DCLK3: variants seen among roughly 807,000 people sequenced by gnomAD.
The protein encoded by DCLK3 is serine/threonine-protein kinase DCLK3.
Under a neutral mutation model 46.4 loss-of-function variants are expected in DCLK3, and 30 were observed. That is an observed-to-expected ratio of 0.65 (90% confidence interval 0.48 to 0.88). DCLK3 has a LOEUF of 0.88. Among genes scored for constraint, DCLK3 ranks in the 40% least tolerant of loss-of-function variants. The pLI is 0.00. For synonymous variants in DCLK3, 401 were observed against 339.2 expected (o/e 1.18, Z -2.00); for missense variants, 846 against 907.1 (o/e 0.93, Z 0.87).
chr3:36,731,080 G>A (rs1000067720), intron 2 of DCLK3, among the ~76,000 whole-genome samples: 1 of 152,124 alleles, frequency 6.6e-6, no homozygotes, highest in Non-Finnish European at 1.5e-5. Flanking sequence ...GGAAGCTAAT[G>A]GCAGCTCTGA....
At chr3:36,716,335 G>C (rs1351991815) in intron 4 of DCLK3, among the ~76,000 whole-genome samples, 1 of 152,138 alleles carries the variant, frequency 6.6e-6, no homozygotes, top group Non-Finnish European at 1.5e-5. Context: ...CTCAAGACCA[G>C]CTGCTTACCC....
rs1463300014 is a variant in DCLK3 at position 36,738,574 on chromosome 3, G to A, written c.593C>T (p.Ala198Val). The part of the protein sequence containing the change: ...YPNKARALTL[A>V]QHSRAPSPRL... The stretch of plus-strand genomic sequence containing the variant: ...TGGAGAAGGGGCACGGCTGTGCTGG[G>A]CCAGTGTCAGGGCCCGGGCTTTGTT... The change falls in exon 2 of 5, where the codon GCC (alanine) becomes GTC (valine). Residue 198 changes from alanine (A) to valine (V), a missense_variant. Around this residue, in one of 3 missense-constraint regions of DCLK3, gnomAD observed 553 missense variants for 543.0 expected, o/e 1.02. Transcript: ENST00000636136. The A allele has an allele frequency of 2.1e-6, 3 of 1,434,742 alleles. No individual in the cohort carries two copies. Among genetic ancestry groups the A allele is most frequent in the Admixed American group, 5.4e-5 (2 of 37,070 alleles). The allele number at this position is 1,434,742 out of a possible 1,614,324, so 88.9% of individuals were successfully genotyped here. A position where few individuals can be genotyped will look rare whatever the true frequency, so the allele number is the denominator to read the frequency against.
chr3:36,723,122 A>T (rs1010577149), intron 2 of DCLK3, among the ~76,000 whole-genome samples: 4 of 152,176 alleles, frequency 2.6e-5, no homozygotes, highest in African/African-American at 7.2e-5. Context: ...ACTTGTTGGG[A>T]ACTGGGACAA....
At chr3:36,732,029 A>G (rs1476034632) in intron 2 of DCLK3, among the ~76,000 whole-genome samples, 1 of 152,214 alleles carries the variant, frequency 6.6e-6, no homozygotes, top group Non-Finnish European at 1.5e-5. Context: ...TCTTTTAGAC[A>G]GGTGATAACA....
intron 3 of DCLK3, among the ~76,000 whole-genome samples, chr3:36,719,397 T>C (rs1701029200): frequency 6.6e-6 from 1 of 152,242 alleles, no homozygotes; most frequent in African/African-American, 2.4e-5. Context: ...CAGGAAAATA[T>C]TAAAAGAATA....
At position 36,734,738 on chromosome 3, in the gene DCLK3, A is replaced by T. The variant is rs148519714; in HGVS notation, c.1959+2470T>A. Among the ~76,000 whole-genome samples, 519 of 151,584 alleles carry T rather than the reference A, an allele frequency of 3.4e-3. 2 individuals carry two copies. The highest frequency in any genetic ancestry group is 4.8e-3 in the Non-Finnish European group (328 of 67,740). Reference sequence around the variant, plus strand: ...CTCTCTCTGTCTCTCTCTCTCTCTCACACACACACAATTCCATTGCCCCAG... The same window carrying T: ...CTCTCTCTGTCTCTCTCTCTCTCTCTCACACACACAATTCCATTGCCCCAG... On this transcript the variant is annotated intron_variant, in intron 2 of 4. Coordinates refer to ENST00000636136, the MANE Select transcript of DCLK3 (RefSeq NM_001394672.2).
rs149438657 is a variant in DCLK3 at position 36,730,085 on chromosome 3, G to C, written c.1959+7123C>G. ...TCCCAGCTACTTGGGAGGCTAAGGTGGGGGGAGTCTGGAAGGCGGAGGTTG... is the reference window on the plus strand; with the variant it reads ...TCCCAGCTACTTGGGAGGCTAAGGTCGGGGGAGTCTGGAAGGCGGAGGTTG... On this transcript the variant is annotated intron_variant, in intron 2 of 4. Transcript: ENST00000636136. Among the ~76,000 whole-genome samples the C allele has an allele frequency of 5.9e-5, 9 of 152,090 alleles. No individual in the cohort carries two copies. The East Asian group carries it at 1.2e-3, about 20-fold the overall frequency.
At chr3:36,724,540 G>A (rs1701101872) in intron 2 of DCLK3, among the ~76,000 whole-genome samples, 1 of 152,110 alleles carries the variant, frequency 6.6e-6, no homozygotes, top group South Asian at 2.1e-4. Context: ...GGAGGTAATT[G>A]AATTATGGGG....
chr3:36,738,340 T>C lies in DCLK3; in HGVS notation c.827A>G (p.Lys276Arg), dbSNP rs1701298010. 5.3e-6 allele frequency: 8 copies of C among 1,507,600 alleles called. No individual in the cohort carries two copies. Among genetic ancestry groups the C allele is most frequent in the Non-Finnish European group, 7.1e-6 (8 of 1,131,228 alleles). The allele number at this position is 1,507,600 out of a possible 1,614,324, so 93.4% of individuals were successfully genotyped here. A position where few individuals can be genotyped will look rare whatever the true frequency, so the allele number is the denominator to read the frequency against. The change falls in exon 2 of 5, where the codon AAG becomes AGG. Residue 276 changes from lysine (K) to arginine (R), a missense_variant. Physicochemically the swap from Lys to Arg is conservative, Grantham distance 26. Transcript: ENST00000636136. Reference protein sequence around the residue: ...RGKWEPEPSSKPPREATLEER... With the variant: ...RGKWEPEPSSRPPREATLEER... ...TTCCAGAGTGGCTTCCCTGGGGGGCTTGCTACTGGGTTCTGGCTCCCATTT... is the reference window on the plus strand; with the variant it reads ...TTCCAGAGTGGCTTCCCTGGGGGGCCTGCTACTGGGTTCTGGCTCCCATTT...
chr3:36,741,303 G>A (rs1701341877), intron 1 of DCLK3, among the ~76,000 whole-genome samples: 1 of 152,210 alleles, frequency 6.6e-6, no homozygotes, highest in Non-Finnish European at 1.5e-5. Flanking sequence ...TTCACACACA[G>A]TAGGATCCTT....
intron 1 of DCLK3, among the ~76,000 whole-genome samples, chr3:36,749,951 C>T (rs77271561): frequency 0.025 from 3,770 of 152,174 alleles, 50 homozygotes; most frequent in South Asian, 0.041. Flanking sequence ...TAATTTTATG[C>T]CATCAAAGGA....
In DCLK3 at chr3:36,762,288, G is replaced by A. The variant is rs1575149883; in HGVS notation, c.82+1894C>T. On this transcript the variant is annotated intron_variant, in intron 1 of 4. Transcript: ENST00000636136. ...TAGTCATGTTTGGATAACATAGGAA[G>A]AATAAAAACATTGACAGTGAGAAGG... is the stretch of plus-strand genomic sequence containing the variant. 3.9e-5 allele frequency among the ~76,000 whole-genome samples: 6 copies of A among 152,290 alleles called. No individual in the cohort carries two copies. The South Asian group carries it at 1.2e-3, about 32-fold the overall frequency.
chr3:36,739,609 C>T (rs1575143194), intron 1 of DCLK3, among the ~76,000 whole-genome samples: 1 of 152,320 alleles, frequency 6.6e-6, no homozygotes, highest in South Asian at 2.1e-4. Flanking sequence ...CCTTGCCTTC[C>T]GCCATGATTG....
intron 1 of DCLK3, among the ~76,000 whole-genome samples, chr3:36,762,937 CTT>C (rs1701552051): frequency 6.6e-6 from 1 of 151,938 alleles, no homozygotes; most frequent in Non-Finnish European, 1.5e-5. Flanking sequence ...ACCCAATACT[CTT>C]TTCTTTTTTT....
chr3:36,730,216 AC>A (rs1701183251), intron 2 of DCLK3, among the ~76,000 whole-genome samples: 1 of 151,818 alleles, frequency 6.6e-6, no homozygotes, highest in Non-Finnish European at 1.5e-5. Flanking sequence ...ACACACACAC[AC>A]ACACACACAC....
At chr3:36,747,557 T>C (rs1701403869) in intron 1 of DCLK3, among the ~76,000 whole-genome samples, 2 of 152,230 alleles carry the variant, frequency 1.3e-5, no homozygotes, top group South Asian at 4.1e-4. Context: ...CAGAGCCATC[T>C]CTGGGCTGAT....
In DCLK3 at chr3:36,757,864, C is replaced by T. The variant is rs111891281; in HGVS notation, c.82+6318G>A. Among the ~76,000 whole-genome samples, 184 of 152,182 alleles carry T rather than the reference C, an allele frequency of 1.2e-3. 2 individuals carry two copies. The highest frequency in any genetic ancestry group is 2.1e-3 in the Non-Finnish European group (143 of 67,988). ...TCTTCCCTTCCATCCCCTCCCACATCGCAGTCAACCTCAAAGTCCTGTGGA... is the reference window on the plus strand; with the variant it reads ...TCTTCCCTTCCATCCCCTCCCACATTGCAGTCAACCTCAAAGTCCTGTGGA... On this transcript the variant is annotated intron_variant, in intron 1 of 4. Coordinates refer to ENST00000636136, the MANE Select transcript of DCLK3 (RefSeq NM_001394672.2).
intron 2 of DCLK3, among the ~76,000 whole-genome samples, chr3:36,732,881 C>T (rs1011292694): frequency 2.0e-5 from 3 of 152,264 alleles, no homozygotes; most frequent in Middle Eastern, 3.4e-3. Flanking sequence ...TAATCAGTGA[C>T]TCCTTCTTGT....
At chr3:36,758,845 C>T (rs1337333352) in intron 1 of DCLK3, among the ~76,000 whole-genome samples, 1 of 152,200 alleles carries the variant, frequency 6.6e-6, no homozygotes, top group East Asian at 1.9e-4. Context: ...AACCTTGTGG[C>T]ATGGCACACT....
Sources: gnomAD v4.1 joint callset for allele counts (sites outside exome capture counted in the v4.1 genomes callset) on GRCh38, gnomAD v4.1.1 for gene constraint, gnomAD v4.1.1 regional missense constraint, MANE v1.5 for transcripts, NCBI Gene and HGNC (gene_info 2026-07-23, HGNC 2026-07-21) for gene names.